CCDC141: variants seen among roughly 807,000 people sequenced by gnomAD.
CCDC141 encodes coiled-coil domain containing 141, also known as coiled-coil domain-containing protein 141.
CCDC141 carries 168 observed loss-of-function variants against 181.0 expected under a neutral mutation model. The observed-to-expected ratio is 0.93, with a 90% CI of 0.82 to 1.05. The LOEUF (loss-of-function observed/expected upper bound fraction) is 1.05, where lower values mean the gene tolerates loss of function less well. CCDC141 is among the 50% of genes least tolerant of loss of function. CCDC141 has a pLI of 0.00. For synonymous variants in CCDC141, 666 were observed against 642.3 expected (o/e 1.04, Z -0.56); for missense variants, 1,902 against 1,788.5 (o/e 1.06, Z -1.14).
Position 178,837,281 on chromosome 2 carries a change from T to C in CCDC141, c.3938A>G (p.His1313Arg), listed in dbSNP as rs780280688. The C allele has an allele frequency of 8.1e-6, 13 of 1,613,992 alleles. No individual in the cohort carries two copies. The Admixed American group carries it at 2.0e-4, about 25-fold the overall frequency. ...RGFVEKSTAL[H>R]RISAEHPESM... is the part of the protein sequence containing the mutation. Reference sequence around the variant, plus strand: ...CTCTGGATGTTCAGCACTGATTCTGTGTAAGGCAGTACTCTTTTCCACGAA... The same window carrying C: ...CTCTGGATGTTCAGCACTGATTCTGCGTAAGGCAGTACTCTTTTCCACGAA... The change falls in exon 23 of 24, where the codon CAC becomes CGC. Residue 1313 changes from histidine to arginine, a missense_variant. His to Arg is a conservative substitution (Grantham distance 29). Transcript: ENST00000443758.
intron 2 of CCDC141, among the ~76,000 whole-genome samples, chr2:178,980,216 G>A (rs549850602): frequency 4.6e-5 from 7 of 152,248 alleles, no homozygotes; most frequent in Admixed American, 2.0e-4. Flanking sequence ...CTGGGAGACC[G>A]AGGCGGGCAG....
At chr2:178,835,839 A>T (rs1433252561) in intron 23 of CCDC141, 1 of 152,616 alleles carries the variant, frequency 6.6e-6, no homozygotes, top group Non-Finnish European at 1.5e-5. Context: ...TTTGTAAAAA[A>T]CATGCAACAG....
chr2:178,850,934 A>T (rs893956654), intron 20 of CCDC141, among the ~76,000 whole-genome samples: 4 of 152,186 alleles, frequency 2.6e-5, no homozygotes, highest in Non-Finnish European at 4.4e-5. Context: ...GCCTCGGCAT[A>T]GTGTCTCGCG....
intron 2 of CCDC141, among the ~76,000 whole-genome samples, chr2:179,015,124 T>TATATTATATATATAATCATAC (rs2042424598): frequency 1.0e-5 from 1 of 98,894 alleles, no homozygotes; most frequent in African/African-American, 3.6e-5. Context: ...TAATCATATA[T>TATATTATATATATAATCATAC]ATATATCATA....
At chr2:178,852,444 T>G (rs921189117) in intron 20 of CCDC141, among the ~76,000 whole-genome samples, 2 of 152,230 alleles carry the variant, frequency 1.3e-5, no homozygotes, top group African/African-American at 2.4e-5. Context: ...AAATATTTAG[T>G]GCACTCACAC....
chr2:178,907,595 G>T (rs1305023351), intron 7 of CCDC141, among the ~76,000 whole-genome samples: 1 of 152,204 alleles, frequency 6.6e-6, no homozygotes, highest in Non-Finnish European at 1.5e-5. Flanking sequence ...AAAAGAAAGA[G>T]AACTTAATTA....
chr2:178,860,105 A>T (rs1364898161), intron 17 of CCDC141, among the ~76,000 whole-genome samples: 1 of 152,200 alleles, frequency 6.6e-6, no homozygotes, highest in South Asian at 2.1e-4. Context: ...CACAATGTCC[A>T]CTTCATGAAT....
chr2:178,969,804 G>A (rs1014991980), intron 4 of CCDC141, among the ~76,000 whole-genome samples: 5 of 152,150 alleles, frequency 3.3e-5, no homozygotes, highest in African/African-American at 1.2e-4. Flanking sequence ...GAAATAAACG[G>A]TATTCAAATA....
At chr2:178,933,433 G>A (rs141185434) in intron 6 of CCDC141, among the ~76,000 whole-genome samples, 1 of 152,282 alleles carries the variant, frequency 6.6e-6, no homozygotes, top group Non-Finnish European at 1.5e-5. Context: ...TTCAATAAGT[G>A]TGATGGGTGG....
chr2:178,909,703 A>G (rs1443677685), intron 7 of CCDC141, among the ~76,000 whole-genome samples: 1 of 152,192 alleles, frequency 6.6e-6, no homozygotes, highest in African/African-American at 2.4e-5. Context: ...TCTATTTACC[A>G]TACCCATAAA....
chr2:179,043,545 C>T (rs1367541381), intron 2 of CCDC141, among the ~76,000 whole-genome samples: 2 of 152,146 alleles, frequency 1.3e-5, no homozygotes, highest in Non-Finnish European at 2.9e-5. Context: ...AAATGTGATT[C>T]ATTACATAAA....
intron 23 of CCDC141, chr2:178,836,105 T>C (rs1684466505): frequency 6.6e-6 from 1 of 152,604 alleles, no homozygotes; most frequent in Non-Finnish European, 1.5e-5. Flanking sequence ...TGTAACTTTG[T>C]CCTGAAATAA....
the CCDC141 span, among the ~76,000 whole-genome samples, chr2:178,822,159 A>T: frequency 2.0e-5 from 3 of 151,954 alleles, no homozygotes; most frequent in Non-Finnish European, 2.9e-5. Context: ...TCGCAAGGAC[A>T]AAAAACCAAA....
intron 2 of CCDC141, among the ~76,000 whole-genome samples, chr2:179,011,314 G>T (rs1223820654): frequency 1.3e-5 from 2 of 152,134 alleles, no homozygotes; most frequent in Admixed American, 6.5e-5. Context: ...AATGAGCAGG[G>T]TTAGCTATCA....
At chr2:178,981,358 C>A (rs2154381081) in intron 2 of CCDC141, among the ~76,000 whole-genome samples, 1 of 149,564 alleles carries the variant, frequency 6.7e-6, no homozygotes, top group East Asian at 2.0e-4. Context: ...ATAAAACATA[C>A]CTTACCAAAA....
At chr2:178,872,716 G>C (rs1686176324) in intron 12 of CCDC141, among the ~76,000 whole-genome samples, 1 of 152,136 alleles carries the variant, frequency 6.6e-6, no homozygotes. Flanking sequence ...TCAGTATCAA[G>C]GCATAGGAGG....
At chr2:178,901,989 T>C (rs1383845409) in intron 8 of CCDC141, among the ~76,000 whole-genome samples, 1 of 152,004 alleles carries the variant, frequency 6.6e-6, no homozygotes, top group African/African-American at 2.4e-5. Flanking sequence ...AAATCATGAG[T>C]GAACTCCCAT....
intron 6 of CCDC141, among the ~76,000 whole-genome samples, chr2:178,940,201 A>G (rs1197501557): frequency 6.6e-6 from 1 of 151,360 alleles, no homozygotes; most frequent in Non-Finnish European, 1.5e-5. Flanking sequence ...AGTGCTCTAT[A>G]AGATCAGAGA....
At chr2:178,864,122 G>C (rs1326069791) in intron 17 of CCDC141, among the ~76,000 whole-genome samples, 1 of 152,150 alleles carries the variant, frequency 6.6e-6, no homozygotes, top group Non-Finnish European at 1.5e-5. Flanking sequence ...CTCCACTTGC[G>C]CTTTAGCAAA....
Sources: allele counts gnomAD v4.1 joint callset (sites outside exome capture counted in the v4.1 genomes callset), GRCh38; gene constraint gnomAD v4.1.1; transcripts MANE v1.5; gene names NCBI Gene and HGNC (gene_info 2026-07-23, HGNC 2026-07-21).